SETBP1: variants seen among roughly 807,000 people sequenced by gnomAD.
The protein encoded by SETBP1 is SET-binding protein.
A neutral mutation model predicts 101.0 loss-of-function variants in SETBP1; 9 were observed. The observed-to-expected ratio is 0.09, with a 90% CI of 0.05 to 0.16. The LOEUF is 0.16. Among genes scored for constraint, SETBP1 ranks in the 10% least tolerant of loss-of-function variants. SETBP1 has a pLI of 1.00. For synonymous variants in SETBP1, 818 were observed against 788.5 expected (o/e 1.04, Z -0.63); for missense variants, 1,858 against 2,033.8 (o/e 0.91, Z 1.66).
chr18:44,901,214 G>A (rs1157961927), intron 3 of SETBP1, among the ~76,000 whole-genome samples: 2 of 152,088 alleles, frequency 1.3e-5, no homozygotes, highest in Admixed American at 6.6e-5. Context: ...CTAGCATGAG[G>A]AAAAATCTCT....
chr18:45,023,974 ACCGTCT>A (rs2073118287), intron 4 of SETBP1, among the ~76,000 whole-genome samples: 1 of 152,198 alleles, frequency 6.6e-6, no homozygotes, highest in Non-Finnish European at 1.5e-5. Flanking sequence ...TAAACCAAGG[ACCGTCT>A]GGCTCCAGGG....
chr18:44,922,718 A>C (rs2144941516), intron 3 of SETBP1, among the ~76,000 whole-genome samples: 1 of 152,348 alleles, frequency 6.6e-6, no homozygotes, highest in African/African-American at 2.4e-5. Context: ...ACTAGTGAGC[A>C]GACACACAGC....
At chr18:45,038,096 A>G (rs924379729) in intron 4 of SETBP1, among the ~76,000 whole-genome samples, 7 of 152,272 alleles carry the variant, frequency 4.6e-5, no homozygotes, top group African/African-American at 1.7e-4. Context: ...GGATGAGATG[A>G]GAAGTCTTAC....
intron 5 of SETBP1, among the ~76,000 whole-genome samples, chr18:45,060,399 C>T (rs964572534): frequency 3.9e-5 from 6 of 152,182 alleles, no homozygotes; most frequent in African/African-American, 1.4e-4. Context: ...ATTACCAATA[C>T]TAGGTAGATT....
intron 4 of SETBP1, among the ~76,000 whole-genome samples, chr18:45,025,339 G>T (rs954920369): frequency 5.9e-5 from 9 of 152,130 alleles, no homozygotes; most frequent in African/African-American, 2.2e-4. Context: ...TCATTCTGCC[G>T]AAATAAGCAC....
chr18:44,784,717 TAGG>T (rs1470300850), intron 2 of SETBP1, among the ~76,000 whole-genome samples: 1 of 152,190 alleles, frequency 6.6e-6, no homozygotes, highest in Admixed American at 6.5e-5. Flanking sequence ...TTGCACATAG[TAGG>T]AGGTTAGTGC....
chr18:44,686,813 A>G (rs1447912285), intron 1 of SETBP1, among the ~76,000 whole-genome samples: 4 of 152,316 alleles, frequency 2.6e-5, no homozygotes, highest in Admixed American at 1.3e-4. Context: ...GTAATCACCC[A>G]AAAGTTTCTC....
In SETBP1 at chr18:44,767,409, T is replaced by G. The variant is rs142071757; in HGVS notation, c.486+65577T>G. On this transcript the variant is annotated intron_variant, in intron 2 of 5. Transcript: ENST00000649279. ...TTGAGTTATCTGGGCACAGACCAAC[T>G]TATTAGAAAACTATTCTCAGAGGAG... is the stretch of plus-strand genomic sequence containing the variant. 2.0e-3 allele frequency among the ~76,000 whole-genome samples: 311 copies of G among 152,330 alleles called. 3 individuals are homozygous for G. The highest frequency in any genetic ancestry group is 7.0e-3 in the African/African-American group (293 of 41,574).
intron 4 of SETBP1, among the ~76,000 whole-genome samples, chr18:45,024,325 C>A (rs1218057136): frequency 6.6e-6 from 1 of 152,202 alleles, no homozygotes; most frequent in Admixed American, 6.5e-5. Flanking sequence ...GCATCCTGTA[C>A]TCACCTCTCT....
chr18:44,798,207 A>C (rs956712286), intron 2 of SETBP1, among the ~76,000 whole-genome samples: 1 of 152,244 alleles, frequency 6.6e-6, no homozygotes, highest in Non-Finnish European at 1.5e-5. Context: ...AAGAAATAAC[A>C]TAATGTTGAG....
chr18:44,901,277 G>A (rs1183891460), intron 3 of SETBP1, among the ~76,000 whole-genome samples: 2 of 152,110 alleles, frequency 1.3e-5, no homozygotes, highest in African/African-American at 4.8e-5. Context: ...TATCTATTCT[G>A]GGATGAGACT....
intron 2 of SETBP1, among the ~76,000 whole-genome samples, chr18:44,826,473 G>T (rs1052809971): frequency 6.6e-6 from 1 of 152,154 alleles, no homozygotes; most frequent in Non-Finnish European, 1.5e-5. Flanking sequence ...GGGCTCCCAG[G>T]TTGCCTCACA....
chr18:44,709,999 C>T (rs2069303762), intron 2 of SETBP1, among the ~76,000 whole-genome samples: 1 of 152,034 alleles, frequency 6.6e-6, no homozygotes, highest in African/African-American at 2.4e-5. Context: ...TGGGGTTCAG[C>T]TGGCGGCTGC....
intron 2 of SETBP1, among the ~76,000 whole-genome samples, chr18:44,719,028 G>A (rs1215105106): frequency 6.6e-6 from 1 of 152,152 alleles, no homozygotes; most frequent in Non-Finnish European, 1.5e-5. Context: ...TGGTGTCTAT[G>A]TGAAGACACA....
At chr18:44,930,056 G>A (rs1406688128) in intron 3 of SETBP1, among the ~76,000 whole-genome samples, 4 of 152,314 alleles carry the variant, frequency 2.6e-5, no homozygotes, top group African/African-American at 9.6e-5. Flanking sequence ...CATTCAGTAT[G>A]ATATTGGCTG....
intron 3 of SETBP1, among the ~76,000 whole-genome samples, chr18:44,899,451 A>C (rs2069986137): frequency 6.6e-6 from 1 of 152,186 alleles, no homozygotes; most frequent in Non-Finnish European, 1.5e-5. Flanking sequence ...ATAGTTCCTC[A>C]GGCCAGTGCA....
chr18:45,046,792 C>T (rs2073622287), intron 5 of SETBP1, among the ~76,000 whole-genome samples: 1 of 152,126 alleles, frequency 6.6e-6, no homozygotes, highest in Non-Finnish European at 1.5e-5. Context: ...TTCCCAAAAC[C>T]TTGGGATGTA....
intron 2 of SETBP1, among the ~76,000 whole-genome samples, chr18:44,747,123 A>G (rs1340918255): frequency 6.6e-6 from 1 of 152,218 alleles, no homozygotes; most frequent in Non-Finnish European, 1.5e-5. Flanking sequence ...TGGTGACTCC[A>G]GCATCAATCA....
intron 3 of SETBP1, among the ~76,000 whole-genome samples, chr18:44,874,436 A>G (rs773619738): frequency 6.6e-6 from 1 of 152,222 alleles, no homozygotes; most frequent in African/African-American, 2.4e-5. Flanking sequence ...CTCAATGGGT[A>G]GAAGGCGTGA....
Sources: gnomAD v4.1 joint callset for allele counts (sites outside exome capture counted in the v4.1 genomes callset) on GRCh38, gnomAD v4.1.1 for gene constraint, MANE v1.5 for transcripts, NCBI Gene and HGNC (gene_info 2026-07-23, HGNC 2026-07-21) for gene names.